Variants in OPRM1 observed in about 807,000 individuals in gnomAD.
OPRM1 encodes mu-type opioid receptor.
OPRM1 carries 27 observed loss-of-function variants against 31.8 expected under a neutral mutation model. The observed-to-expected ratio is 0.85, with a 90% CI of 0.63 to 1.17. OPRM1 has a LOEUF of 1.17. Ranked by LOEUF, OPRM1 falls within the 50% of genes most tolerant of loss-of-function variation. The probability of loss-of-function intolerance (pLI) is 0.00; values close to 1 mark genes in which losing one functional copy is unlikely to be tolerated. For synonymous variants in OPRM1, 196 were observed against 189.9 expected, an observed-to-expected ratio of 1.03 and a Z score of -0.26; for missense variants, 536 against 511.1, an observed-to-expected ratio of 1.05 and a Z score of -0.47.
At chr6:154,228,220 C>T (rs187336337) in intron 3 of OPRM1, among the ~76,000 whole-genome samples, 6 of 152,002 alleles carry the variant, frequency 3.9e-5, no homozygotes, top group Non-Finnish European at 4.4e-5. Context: ...AATCCCAGCG[C>T]TTTGGGAGGC....
intron 3 of OPRM1, among the ~76,000 whole-genome samples, chr6:154,188,904 G>C (rs10457903): frequency 0.083 from 12,590 of 152,146 alleles, 984 homozygotes; most frequent in East Asian, 0.42. Context: ...ATATCTTTAA[G>C]ATACCAGTGT....
At chr6:154,170,387 A>G (rs184584616) in intron 3 of OPRM1, among the ~76,000 whole-genome samples, 58 of 152,288 alleles carry the variant, frequency 3.8e-4, no homozygotes, top group African/African-American at 1.3e-3. Context: ...GAGCATCAAA[A>G]CCAAGCAAAC....
At chr6:154,022,191 G>A (rs1236116810) in intron 1 of OPRM1, among the ~76,000 whole-genome samples, 1 of 152,160 alleles carries the variant, frequency 6.6e-6, no homozygotes, top group Non-Finnish European at 1.5e-5. Context: ...ATGAATGAGA[G>A]CTGGTTCTGT....
Position 154,129,418 on chromosome 6 carries a change from G to A in OPRM1, c.*10697G>A, listed in dbSNP as rs565169404. Among the ~76,000 whole-genome samples, 1 of 152,316 alleles carries A rather than the reference G, an allele frequency of 6.6e-6. No individual in the cohort carries two copies. Among genetic ancestry groups the A allele is most frequent in the East Asian group, 1.9e-4 (1 of 5,182 alleles). ...TTTCGGGCCTGGCGCTGAGCTGCCT[G>A]TATTTGGTTTTACTTCCTTGTTGTT... On this transcript the variant is annotated 3_prime_UTR_variant, in exon 4 of 4. Transcript: ENST00000330432.
chr6:154,225,600 T>G (rs1779188000), intron 3 of OPRM1, among the ~76,000 whole-genome samples: 1 of 152,150 alleles, frequency 6.6e-6, no homozygotes. Context: ...CAGTAGGAAA[T>G]AGGGAGCAAC....
chr6:154,184,417 G>A (rs1043265423), intron 3 of OPRM1, among the ~76,000 whole-genome samples: 1 of 152,060 alleles, frequency 6.6e-6, no homozygotes, highest in East Asian at 1.9e-4. Flanking sequence ...AGGTAGAGCT[G>A]CATGTACTAA....
At chr6:154,033,898 G>T (rs1057460773) in intron 1 of OPRM1, among the ~76,000 whole-genome samples, 6 of 152,178 alleles carry the variant, frequency 3.9e-5, no homozygotes, top group South Asian at 2.1e-4. Context: ...GCACAAATGA[G>T]GCATAAGCAA....
intron 1 of OPRM1, among the ~76,000 whole-genome samples, chr6:154,081,294 G>A (rs11752855): frequency 6.6e-6 from 1 of 152,174 alleles, no homozygotes; most frequent in Non-Finnish European, 1.5e-5. Flanking sequence ...ACGAGGTCAG[G>A]AGATTGAGAC....
intron 3 of OPRM1, chr6:154,091,711 A>G (rs1792282217): frequency 2.4e-6 from 3 of 1,267,540 alleles, no homozygotes; most frequent in Non-Finnish European, 3.0e-6. Flanking sequence ...AAACTATTCA[A>G]AATAACTATT....
intron 3 of OPRM1, among the ~76,000 whole-genome samples, chr6:154,206,833 C>T (rs1166254474): frequency 2.6e-5 from 4 of 152,176 alleles, no homozygotes; most frequent in Non-Finnish European, 4.4e-5. Flanking sequence ...ATGTCTGGAA[C>T]GCTTTTGGGG....
At chr6:154,076,731 T>C (rs1457345863) in intron 1 of OPRM1, among the ~76,000 whole-genome samples, 3 of 152,150 alleles carry the variant, frequency 2.0e-5, no homozygotes, top group African/African-American at 7.2e-5. Context: ...ACTACAAATC[T>C]CAAATGAGCA....
At chr6:154,197,253 T>C (rs760919499) in intron 3 of OPRM1, among the ~76,000 whole-genome samples, 3 of 152,214 alleles carry the variant, frequency 2.0e-5, no homozygotes, top group Non-Finnish European at 4.4e-5. Context: ...GCTACCTTTG[T>C]CTGCAACACA....
intron 3 of OPRM1, among the ~76,000 whole-genome samples, chr6:154,195,791 A>ATTT (rs34769762): frequency 1.2e-4 from 16 of 130,572 alleles, no homozygotes; most frequent in Non-Finnish European, 1.6e-4. Flanking sequence ...CTTGTTCACA[A>ATTT]TTTTTTTTTT....
intron 3 of OPRM1, among the ~76,000 whole-genome samples, chr6:154,140,433 C>A (rs540220836): frequency 6.6e-6 from 1 of 151,890 alleles, no homozygotes; most frequent in Admixed American, 6.6e-5. Flanking sequence ...CAGGTTCAAG[C>A]GATTCTCCTG....
At chr6:154,097,830 A>T (rs1415698663) in intron 3 of OPRM1, among the ~76,000 whole-genome samples, 1 of 152,142 alleles carries the variant, frequency 6.6e-6, no homozygotes, top group African/African-American at 2.4e-5. Context: ...TGTGTCTGGG[A>T]TGGGATATCT....
At position 154,166,388 on chromosome 6, in the gene OPRM1, C is replaced by T. The variant is rs368424940; in HGVS notation, c.1164+74916C>T. Among the ~76,000 whole-genome samples the T allele has an allele frequency of 2.6e-5, 4 of 152,338 alleles. No homozygotes were observed. The South Asian group carries it at 6.2e-4, about 24-fold the overall frequency. On this transcript the variant is annotated intron_variant, in intron 3 of 3. Coordinates refer to the OPRM1 transcript ENST00000337049. ...ACAGCCTTTCTCCTTCTACTAATGACTCAAACTGCACATGCTCTCCGCGGC... is the reference window on the plus strand; with the variant it reads ...ACAGCCTTTCTCCTTCTACTAATGATTCAAACTGCACATGCTCTCCGCGGC...
intron 1 of OPRM1, among the ~76,000 whole-genome samples, chr6:154,027,674 A>G (rs1074287): frequency 0.31 from 47,478 of 152,148 alleles, 8,238 homozygotes; most frequent in African/African-American, 0.47. Context: ...CTGTGGCTGA[A>G]GTAGTACTCA....
intron 3 of OPRM1, among the ~76,000 whole-genome samples, chr6:154,178,166 C>T (rs1474319899): frequency 1.3e-5 from 2 of 151,956 alleles, no homozygotes; most frequent in East Asian, 3.9e-4. Flanking sequence ...GGAGGGATAG[C>T]GTTAGGAGAA....
chr6:154,186,579 C>T (rs13200260), intron 3 of OPRM1, among the ~76,000 whole-genome samples: 81,986 of 151,256 alleles, frequency 0.54, 23,558 homozygotes, highest in African/African-American at 0.72. Context: ...TTTTTTGAGA[C>T]GGAGTCTCGC....
Sources: allele counts gnomAD v4.1 joint callset (sites outside exome capture counted in the v4.1 genomes callset), GRCh38; gene constraint gnomAD v4.1.1; transcripts MANE v1.5; gene names NCBI Gene and HGNC (gene_info 2026-07-23, HGNC 2026-07-21).